ALG14: variants seen among roughly 807,000 people sequenced by gnomAD.
ALG14 encodes the protein ALG14 UDP-N-acetylglucosaminyltransferase subunit.
Under a neutral mutation model 22.8 loss-of-function variants are expected in ALG14, and 17 were observed. The observed-to-expected ratio is 0.75, with a 90% CI of 0.51 to 1.12. The LOEUF (loss-of-function observed/expected upper bound fraction) is 1.12. Among genes scored for constraint, ALG14 ranks in the 50% most tolerant of loss-of-function variants. ALG14 has a pLI of 0.00. For synonymous variants in ALG14, 89 were observed against 103.7 expected, an observed-to-expected ratio of 0.86 and a Z score of 0.86; for missense variants, 288 against 271.8, an observed-to-expected ratio of 1.06 and a Z score of -0.42.
chr1:95,066,467 A>G (rs1675372195), intron 1 of ALG14, among the ~76,000 whole-genome samples: 1 of 151,756 alleles, frequency 6.6e-6, no homozygotes, highest in Non-Finnish European at 1.5e-5. Flanking sequence ...CAGGTGATCC[A>G]CCCACTCGGC....
At chr1:95,069,785 T>C (rs775330292) in intron 1 of ALG14, among the ~76,000 whole-genome samples, 7 of 152,124 alleles carry the variant, frequency 4.6e-5, no homozygotes, top group Non-Finnish European at 1.0e-4. Flanking sequence ...GAAACTAGAA[T>C]CTCTCTTCCC....
At chr1:94,994,074 T>C (rs1321412616) in intron 3 of ALG14, among the ~76,000 whole-genome samples, 1 of 152,220 alleles carries the variant, frequency 6.6e-6, no homozygotes, top group Non-Finnish European at 1.5e-5. Context: ...ATTTTTTTGG[T>C]TGGAATGGTC....
chr1:94,983,279 C>T lies in ALG14; in HGVS notation c.448G>A (p.Val150Ile), dbSNP rs1308914191. 5.0e-6 allele frequency: 8 copies of T among 1,614,074 alleles called. No homozygotes were observed. The highest frequency in any genetic ancestry group is 6.8e-6 in the Non-Finnish European group (8 of 1,179,998). ...AGAAGGGCAGATACACAGATAGGAACACATGTTCCTGGTCCGTTACACAAC... is the reference window on the plus strand; with the variant it reads ...AGAAGGGCAGATACACAGATAGGAATACATGTTCCTGGTCCGTTACACAAC... ...LVLCNGPGTC[V>I]PICVSALLLG... The change falls in exon 4 of 4, where the codon GTT (valine) becomes ATT (isoleucine). Residue 150 changes from valine to isoleucine, a missense_variant. Val to Ile is a conservative substitution (Grantham distance 29). Coordinates refer to ENST00000370205, the MANE Select transcript of ALG14 (RefSeq NM_144988.4).
At chr1:95,032,540 G>A (rs910012947) in intron 2 of ALG14, among the ~76,000 whole-genome samples, 2 of 152,216 alleles carry the variant, frequency 1.3e-5, no homozygotes, top group Non-Finnish European at 2.9e-5. Flanking sequence ...AAAAGCCTCT[G>A]TGGGTCCTCT....
At chr1:94,998,269 A>C (rs1672958776) in intron 3 of ALG14, among the ~76,000 whole-genome samples, 1 of 152,116 alleles carries the variant, frequency 6.6e-6, no homozygotes, top group Admixed American at 6.5e-5. Context: ...CTTCTATGCC[A>C]GTTGTCCATT....
chr1:94,990,014 C>G (rs1436463820), intron 3 of ALG14, among the ~76,000 whole-genome samples: 2 of 152,152 alleles, frequency 1.3e-5, no homozygotes. Flanking sequence ...TGGATGGCGA[C>G]TGCACAGCAA....
chr1:95,019,700 G>A (rs1673603759), intron 3 of ALG14, among the ~76,000 whole-genome samples: 1 of 152,174 alleles, frequency 6.6e-6, no homozygotes, highest in East Asian at 1.9e-4. Context: ...CGATAACCTG[G>A]CCGGGCACAG....
intron 2 of ALG14, among the ~76,000 whole-genome samples, chr1:95,050,644 T>A (rs890009553): frequency 2.6e-5 from 4 of 152,104 alleles, no homozygotes; most frequent in African/African-American, 9.7e-5. Flanking sequence ...GCCTGTGACA[T>A]GAAGGTTTGA....
chr1:95,039,346 G>A (rs961615429), intron 2 of ALG14, among the ~76,000 whole-genome samples: 1 of 152,182 alleles, frequency 6.6e-6, no homozygotes, highest in African/African-American at 2.4e-5. Context: ...CACGACCAGA[G>A]AAGGGCAATC....
chr1:95,048,702 C>T (rs1674648949), intron 2 of ALG14, among the ~76,000 whole-genome samples: 1 of 152,082 alleles, frequency 6.6e-6, no homozygotes, highest in African/African-American at 2.4e-5. Context: ...CTACTCTTTA[C>T]TTTAGAACTA....
intron 2 of ALG14, among the ~76,000 whole-genome samples, chr1:95,048,803 T>C (rs1048085746): frequency 3.3e-5 from 5 of 152,170 alleles, no homozygotes; most frequent in African/African-American, 1.2e-4. Flanking sequence ...CCTTTTTTTT[T>C]TTCTTAGCTC....
At chr1:95,058,887 T>C (rs1007398673) in intron 2 of ALG14, among the ~76,000 whole-genome samples, 1 of 152,100 alleles carries the variant, frequency 6.6e-6, no homozygotes, top group East Asian at 2.0e-4. Context: ...TTTAAAATTT[T>C]ATTTTTTTTC....
chr1:95,026,411 A>G (rs1476714350), intron 3 of ALG14, among the ~76,000 whole-genome samples: 24 of 151,618 alleles, frequency 1.6e-4, no homozygotes, highest in Non-Finnish European at 1.5e-5. Flanking sequence ...AGGGTTATTA[A>G]TTGGCCTAAT....
chr1:95,056,140 A>G (rs769060962), intron 2 of ALG14, among the ~76,000 whole-genome samples: 22 of 152,156 alleles, frequency 1.4e-4, no homozygotes, highest in Non-Finnish European at 2.5e-4. Context: ...CTGAACAGCT[A>G]TATATTAGAA....
At chr1:95,044,777 A>AT (rs1158536820) in intron 2 of ALG14, among the ~76,000 whole-genome samples, 12 of 152,052 alleles carry the variant, frequency 7.9e-5, no homozygotes, top group East Asian at 1.9e-4. Flanking sequence ...GATGGCAGAC[A>AT]TTTTTTTGTG....
rs1571668497 is a variant in ALG14 at position 95,058,712 on chromosome 1, G to A, written c.288+6154C>T. On this transcript the variant is annotated intron_variant, in intron 2 of 3. Coordinates refer to ENST00000370205, the MANE Select transcript of ALG14 (RefSeq NM_144988.4). The stretch of plus-strand genomic sequence containing the variant: ...TTCTCAAAAAAAAAAAAATACTGAA[G>A]GAAACACTTGAGCCAAATAGAAAAC... Among the ~76,000 whole-genome samples the A allele has an allele frequency of 1.4e-5, 2 of 145,156 alleles. 1 individual carries two copies. Among genetic ancestry groups the A allele is most frequent in the East Asian group, 4.1e-4 (2 of 4,824 alleles).
At chr1:95,033,448 C>CAT (rs1553229140) in intron 2 of ALG14, among the ~76,000 whole-genome samples, 3 of 146,326 alleles carry the variant, frequency 2.1e-5, no homozygotes, top group Admixed American at 6.9e-5. Context: ...CACACACATA[C>CAT]ATATATATAC....
rs556204961 is a variant in ALG14 at position 95,014,521 on chromosome 1, T to C, written c.420+12608A>G. Among the ~76,000 whole-genome samples, 43 of 152,304 alleles carry C rather than the reference T, an allele frequency of 2.8e-4. No homozygotes were observed. In the South Asian group the frequency reaches 3.7e-3, roughly 13 times the overall value. On this transcript the variant is annotated intron_variant, in intron 3 of 3. Coordinates refer to ENST00000370205, the MANE Select transcript of ALG14 (RefSeq NM_144988.4). ...CTTGGGGCCATGGCTGGATTCTAGATTACAAACTCTTCTGAGCACAAATTG... is the reference window on the plus strand; with the variant it reads ...CTTGGGGCCATGGCTGGATTCTAGACTACAAACTCTTCTGAGCACAAATTG...
At chr1:94,991,032 G>C (rs895764664) in intron 3 of ALG14, among the ~76,000 whole-genome samples, 1 of 152,258 alleles carries the variant, frequency 6.6e-6, no homozygotes, top group Non-Finnish European at 1.5e-5. Context: ...CAATCATGCA[G>C]ACCCTGGTTG....
Sources: gnomAD v4.1 joint callset for allele counts (sites outside exome capture counted in the v4.1 genomes callset) on GRCh38, gnomAD v4.1.1 for gene constraint, MANE v1.5 for transcripts, NCBI Gene and HGNC (gene_info 2026-07-23, HGNC 2026-07-21) for gene names.